The following H6PD variants were observed in gnomAD, a reference collection of about 807,000 sequenced individuals.
The protein encoded by H6PD is hexose-6-phosphate dehydrogenase/glucose 1-dehydrogenase, also known as GDH/6PGL endoplasmic bifunctional protein.
H6PD carries 48 observed loss-of-function variants against 61.2 expected under a neutral mutation model. That is an observed-to-expected ratio of 0.78 (90% CI 0.62 to 1.00). The LOEUF is 1.00. Among genes scored for constraint, H6PD ranks in the 50% least tolerant of loss-of-function variants. H6PD has a pLI of 0.00. For synonymous variants in H6PD, 480 were observed against 457.9 expected (o/e 1.05, Z -0.62); for missense variants, 1,093 against 1,065.0 (o/e 1.03, Z -0.37).
intron 1 of H6PD, 132 bp from the exon 2 acceptor site, chr1:9,244,793 G>A: frequency 2.4e-6 from 2 of 849,846 alleles, no homozygotes; most frequent in African/African-American, 1.7e-5. Flanking sequence ...GACAAGCTGT[G>A]GGCTTATAAC....
Position 9,262,170 on chromosome 1 carries a change from C to T in H6PD, c.857C>T (p.Ala286Val), listed in dbSNP as rs12118991. ...GAGCTGCCCCACAATGTCAGCAGTGCGGAGGCTGTGCTGCGGCACAAGCTT... is the reference window on the plus strand; with the variant it reads ...GAGCTGCCCCACAATGTCAGCAGTGTGGAGGCTGTGCTGCGGCACAAGCTT... ...AMELPHNVSS[A>V]EAVLRHKLQV... Residue 286 changes from alanine (A) to valine (V), a missense_variant, in exon 4 of 5, where the codon GCG (alanine) becomes GTG (valine). Coordinates refer to ENST00000377403, the MANE Select transcript of H6PD (RefSeq NM_004285.4). 123 of 1,614,110 alleles carry T rather than the reference C, an allele frequency of 7.6e-5. 1 individual carries two copies. The highest frequency in any genetic ancestry group is 2.5e-4 in the Admixed American group (15 of 60,016).
chr1:9,243,990 C>T (rs1641082618), intron 1 of H6PD, among the ~76,000 whole-genome samples: 1 of 152,202 alleles, frequency 6.6e-6, no homozygotes, highest in South Asian at 2.1e-4. Flanking sequence ...CCCAGCTCCC[C>T]TGCTTTCTTA....
intron 3 of H6PD, among the ~76,000 whole-genome samples, chr1:9,255,057 T>C (rs1317897009): frequency 1.3e-5 from 2 of 152,264 alleles, no homozygotes; most frequent in Non-Finnish European, 1.5e-5. Flanking sequence ...TAATATCTTA[T>C]TGTATAGATA....
In H6PD at chr1:9,265,721, TG is replaced by T. The variant is rs1477946090; in HGVS notation, c.*855del. The stretch of plus-strand genomic sequence containing the variant: ...GTTGCCCAGGCTGGTCTCAAACTCC[TG>T]GGCTCAAGCGATCCTCCCATCTCAG... On this transcript the variant is annotated 3_prime_UTR_variant, in exon 5 of 5. Transcript: ENST00000377403. 1 of 152,476 alleles carries T rather than the reference TG, an allele frequency of 6.6e-6. No individual in the cohort carries two copies. Among genetic ancestry groups the T allele is most frequent in the Middle Eastern group, 3.1e-3 (1 of 318 alleles). The allele number at this position is 152,476 out of a possible 1,614,324, so 9.4% of individuals were successfully genotyped here.
At chr1:9,263,322 G>A (rs915370107) in intron 4 of H6PD, among the ~76,000 whole-genome samples, 187 bp from the exon 5 acceptor site, 8 of 152,120 alleles carry the variant, frequency 5.3e-5, no homozygotes, top group South Asian at 4.1e-4. Context: ...CCCAGAGGCC[G>A]GTTTTCAAGC....
chr1:9,262,423 T>A, intron 4 of H6PD, 95 bp downstream of exon 4: 1 of 1,181,392 alleles, frequency 8.5e-7, no homozygotes. Flanking sequence ...TGGAGGGGAC[T>A]TGAGGTGGGA....
At chr1:9,250,974 G>T (rs2100349435) in intron 3 of H6PD, among the ~76,000 whole-genome samples, 1 of 152,322 alleles carries the variant, frequency 6.6e-6, no homozygotes, top group African/African-American at 2.4e-5. Context: ...AGGGGGTGGG[G>T]AGGAGGAAAG....
At chr1:9,251,418 C>G (rs1207658497) in intron 3 of H6PD, among the ~76,000 whole-genome samples, 2 of 150,100 alleles carry the variant, frequency 1.3e-5, no homozygotes, top group Non-Finnish European at 3.0e-5. Context: ...CTAGTTTCCC[C>G]TCTGTGTAGA....
In H6PD at chr1:9,266,723, G is replaced by A. The variant is rs1191418431; in HGVS notation, c.*1854G>A. ...AAGGCGGTGGATTTAGAGGAATCCT[G>A]GCTTTCATTTTCAATGCCAGTCTGA... On this transcript the variant is annotated 3_prime_UTR_variant, in exon 5 of 5. Transcript: ENST00000377403. 6.6e-6 allele frequency: 1 copy of A among 152,206 alleles called. No individual in the cohort carries two copies. The highest frequency in any genetic ancestry group is 1.5e-5 in the Non-Finnish European group (1 of 68,062). The allele number at this position is 152,206 out of a possible 1,614,324, so 9.4% of individuals were successfully genotyped here. A position where few individuals can be genotyped will look rare whatever the true frequency, so the allele number is the denominator to read the frequency against.
chr1:9,263,423 A>G (rs1024176043), intron 4 of H6PD, 86 bp from the exon 5 acceptor site: 23 of 1,304,330 alleles, frequency 1.8e-5, no homozygotes, highest in Non-Finnish European at 2.4e-5. Context: ...GGGGACGCCC[A>G]GAGGAGCCGG....
chr1:9,262,868 C>T (rs1280156268), intron 4 of H6PD, among the ~76,000 whole-genome samples: 1 of 152,198 alleles, frequency 6.6e-6, no homozygotes, highest in Non-Finnish European at 1.5e-5. Context: ...AAGCCTCACG[C>T]ACCAACCACG....
intron 4 of H6PD, among the ~76,000 whole-genome samples, chr1:9,263,152 A>G (rs915502305): frequency 6.6e-6 from 1 of 152,046 alleles, no homozygotes. Context: ...TGACCCCTCA[A>G]ATACCTAAGA....
At chr1:9,250,741 C>T (rs1641335206) in intron 3 of H6PD, among the ~76,000 whole-genome samples, 1 of 152,188 alleles carries the variant, frequency 6.6e-6, no homozygotes, top group Non-Finnish European at 1.5e-5. Flanking sequence ...TGGAGCATTC[C>T]CGGTCCAGAG....
chr1:9,262,323 T>A lies in H6PD; in HGVS notation c.1010T>A (p.Phe337Tyr). The change falls in exon 4 of 5, where the codon TTC becomes TAC. Residue 337 changes from phenylalanine (F) to tyrosine (Y), a missense_variant. By Grantham distance (22) the Phe-to-Tyr change is conservative. Coordinates refer to ENST00000377403, the MANE Select transcript of H6PD (RefSeq NM_004285.4). ...PDSFHSLTPT[F>Y]AAVLVHIDNL... ...AGCTTCCACAGCCTGACGCCGACCT[T>A]CGCAGGTGGGCCCTGGGGCTGGGCA... 1 of 1,601,508 alleles carries A rather than the reference T, an allele frequency of 6.2e-7. No homozygotes were observed. The highest frequency in any genetic ancestry group is 8.5e-7 in the Non-Finnish European group (1 of 1,174,182).
In H6PD at chr1:9,254,180, C is replaced by A. The variant is rs1181547578; in HGVS notation, c.745+7097C>A. 6.6e-6 allele frequency among the ~76,000 whole-genome samples: 1 copy of A among 152,092 alleles called. No individual in the cohort carries two copies. Among genetic ancestry groups the A allele is most frequent in the Non-Finnish European group, 1.5e-5 (1 of 68,020 alleles). ...AGACCAGCCTGGTCAAATGGTGAAACCCCATCTCCACTAAAAATACAAAAA... is the reference window on the plus strand; with the variant it reads ...AGACCAGCCTGGTCAAATGGTGAAAACCCATCTCCACTAAAAATACAAAAA... On this transcript the variant is annotated intron_variant, in intron 3 of 4. Transcript: ENST00000377403. The surrounding 1 kb of genome is among the most constrained non-coding windows in gnomAD (Gnocchi z 4.6).
intron 1 of H6PD, among the ~76,000 whole-genome samples, chr1:9,244,208 C>T (rs1217382404): frequency 6.6e-6 from 1 of 152,186 alleles, no homozygotes; most frequent in East Asian, 1.9e-4. Flanking sequence ...GTGATAGGTA[C>T]AGGCCTCAGC....
At position 9,264,552 on chromosome 1, in the gene H6PD, G is replaced by A. The variant is rs538464231; in HGVS notation, c.2059G>A (p.Asp687Asn). ...ISALVANSSF[D>N]LVLLGMGADG... is the part of the protein sequence containing the mutation. The stretch of plus-strand genomic sequence containing the variant: ...AGCCCTGGTGGCCAACAGCAGCTTC[G>A]ACCTGGTGCTGCTGGGCATGGGTGC... Residue 687 changes from aspartate (D) to asparagine (N), a missense_variant, in exon 5 of 5, where the codon GAC becomes AAC. Physicochemically the swap from Asp to Asn is conservative, Grantham distance 23 (BLOSUM62 1). Transcript: ENST00000377403. 5.0e-5 allele frequency: 80 copies of A among 1,613,238 alleles called. 1 individual carries two copies. The East Asian group carries it at 1.3e-3, about 27-fold the overall frequency.
intron 4 of H6PD, among the ~76,000 whole-genome samples, chr1:9,262,940 G>A (rs1012835653): frequency 6.6e-6 from 1 of 152,210 alleles, no homozygotes; most frequent in African/African-American, 2.4e-5. Flanking sequence ...GAAGTCGTCA[G>A]AATGAACCAG....
chr1:9,245,435 G>C lies in H6PD; in HGVS notation c.501G>C (p.Trp167Cys), dbSNP rs559063919. 7 of 1,614,122 alleles carry C rather than the reference G, an allele frequency of 4.3e-6. No homozygotes were observed. The South Asian group carries it at 6.6e-5, about 15-fold the overall frequency. ...NSSCRPGPGA[W>C]LRVVLEKPFG... The stretch of plus-strand genomic sequence containing the variant: ...GCTGCCGGCCAGGCCCGGGCGCCTG[G>C]CTGCGGGTTGTCCTTGAGAAACCCT... Residue 167 changes from tryptophan to cysteine, a missense_variant, in exon 2 of 5, where the codon TGG becomes TGC. Physicochemically the swap from Trp to Cys is radical, Grantham distance 215. Coordinates refer to ENST00000377403, the MANE Select transcript of H6PD (RefSeq NM_004285.4). The surrounding 1 kb of genome is among the most constrained non-coding windows in gnomAD (Gnocchi z 4.8).
Sources: gnomAD v4.1 joint callset for allele counts (sites outside exome capture counted in the v4.1 genomes callset) on GRCh38, gnomAD v4.1.1 for gene constraint, Gnocchi (gnomAD v3.1) non-coding constraint, MANE v1.5 for transcripts, NCBI Gene and HGNC (gene_info 2026-07-23, HGNC 2026-07-21) for gene names.